NAGA: variants seen among roughly 807,000 people sequenced by gnomAD.
NAGA encodes Acetylgalactosaminidase, alpha-N- (alpha-galactosidase B).
NAGA carries 42 observed loss-of-function variants against 45.6 expected under a neutral mutation model. The ratio of observed to expected loss-of-function variants is 0.92; its 90% CI spans 0.72 to 1.19. The LOEUF is 1.19. Among genes scored for constraint, NAGA ranks in the 50% most tolerant of loss-of-function variants. NAGA has a pLI of 0.00. For missense variants in NAGA, 493 were observed against 544.8 expected, an observed-to-expected ratio of 0.90 and a Z score of 0.95; for synonymous variants, 176 against 203.1, an observed-to-expected ratio of 0.87 and a Z score of 1.13.
rs1430376455 is a variant in NAGA at position 42,068,574 on chromosome 22, A to G, written c.17T>C (p.Val6Ala). 6.2e-7 allele frequency: 1 copy of G among 1,614,046 alleles called. No individual in the cohort carries two copies. The highest frequency in any genetic ancestry group is 8.5e-7 in the Non-Finnish European group (1 of 1,179,998). MLLKT[V>A]LLLGHVAQVL... The stretch of plus-strand genomic sequence containing the variant: ...CTGGGCCACATGTCCCAGCAAGAGC[A>G]CTAGGGGGCAAGGGAGGAGGGGATG... Residue 6 changes from valine to alanine, a missense_variant and splice_region_variant, in exon 2 of 9, where the codon GTG (valine) becomes GCG (alanine). Coordinates refer to ENST00000396398, the MANE Select transcript of NAGA (RefSeq NM_000262.3).
chr22:42,060,457 G>A (rs73887905), intron 8 of NAGA, 44 bp from the exon 9 acceptor site: 36 of 1,610,134 alleles, frequency 2.2e-5, no homozygotes, highest in East Asian at 4.5e-5. Flanking sequence ...TGAGAGTGGC[G>A]GCACAGAGAC....
chr22:42,065,854 A>G lies in NAGA; in HGVS notation c.643T>C (p.Tyr215His), dbSNP rs1307708590. 1 of 1,614,050 alleles carries G rather than the reference A, an allele frequency of 6.2e-7. No homozygotes were observed. The highest frequency in any genetic ancestry group is 1.3e-5 in the African/African-American group (1 of 74,926). ...CACCAGGAGTCCTGGATGTCATCAT[A>G]GTTACGCCAGAGGTTGCAGATGTCC... The part of the protein sequence containing the change: ...LADICNLWRN[Y>H]DDIQDSWWSV... The change falls in exon 6 of 9, where the codon TAT (tyrosine) becomes CAT (histidine). Residue 215 changes from tyrosine (Y) to histidine (H), a missense_variant. By Grantham distance (83) the Tyr-to-His change is moderately conservative. Coordinates refer to ENST00000396398, the MANE Select transcript of NAGA (RefSeq NM_000262.3).
intron 1 of NAGA, among the ~76,000 whole-genome samples, chr22:42,069,759 G>C (rs763496315): frequency 2.6e-5 from 4 of 152,110 alleles, no homozygotes; most frequent in Non-Finnish European, 5.9e-5. Context: ...GGTTGTATAC[G>C]TACTGTGGTT....
At chr22:42,067,973 C>A in intron 2 of NAGA, 37 bp from the exon 3 acceptor site, 1 of 1,597,484 alleles carries the variant, frequency 6.3e-7, no homozygotes, top group Non-Finnish European at 8.6e-7. Context: ...GCTCAGGGAC[C>A]CAGCCCGGCC....
At chr22:42,068,708 G>T in intron 1 of NAGA, 134 bp from the exon 2 acceptor site, 1 of 1,273,906 alleles carries the variant, frequency 7.8e-7, no homozygotes, top group South Asian at 1.5e-5. Context: ...GGACTCCTGG[G>T]TTTAGGGTAG....
chr22:42,060,996 G>T lies in NAGA; in HGVS notation c.1029C>A (p.Cys343Ter). The T allele has an allele frequency of 6.2e-7, 1 of 1,614,246 alleles. No individual in the cohort carries two copies. Among genetic ancestry groups the T allele is most frequent in the Non-Finnish European group, 8.5e-7 (1 of 1,180,042 alleles). The part of the protein sequence containing the change: ...NKASALVFFS[C>*]RTDMPYRYHS... ...GGTAGCGATAAGGCATATCGGTCCT[G>T]CAGCTGAAGAAGACTAAGGCGCTAG... Residue 343 changes from cysteine (C) to a stop codon, truncating the protein, a stop_gained, in exon 8 of 9, where the codon TGC (cysteine) becomes TGA (stop). Transcript: ENST00000396398. LOFTEE classifies it high-confidence loss of function.
chr22:42,066,973 T>C, intron 4 of NAGA, 140 bp downstream of exon 4: 1 of 1,413,962 alleles, frequency 7.1e-7, no homozygotes, highest in Non-Finnish European at 1.0e-6. Context: ...CTGCCACTCA[T>C]ATTTAGGGAG....
At chr22:42,065,654 C>G in intron 6 of NAGA, 84 bp downstream of exon 6, 1 of 1,581,678 alleles carries the variant, frequency 6.3e-7, no homozygotes, top group Non-Finnish European at 8.6e-7. Flanking sequence ...CAGTGAGCCT[C>G]CAAGAAGGAA....
intron 7 of NAGA, among the ~76,000 whole-genome samples, chr22:42,062,376 G>A (rs1365001611): frequency 6.6e-6 from 1 of 152,070 alleles, no homozygotes; most frequent in Non-Finnish European, 1.5e-5. Flanking sequence ...TGAGGCACGA[G>A]AATTGCTTGA....
Position 42,062,941 on chromosome 22 carries a change from C to T in NAGA, c.843G>A (p.Leu281=), listed in dbSNP as rs941555581. 4.3e-6 allele frequency: 7 copies of T among 1,614,150 alleles called. No individual in the cohort carries two copies. In the East Asian group the frequency reaches 8.9e-5, roughly 21 times the overall value. The change falls in exon 7 of 9, where the codon TTG becomes TTA. Residue 281 remains leucine (L), a synonymous_variant. Coordinates refer to ENST00000396398, the MANE Select transcript of NAGA (RefSeq NM_000262.3). ...AGATGGTACGCAGGTCTGTGGACAT[C>T]AAGAGGGGGGCTGCCAGCACCGTCC... ...ALWTVLAAPL[L]MSTDLRTISA... is the part of the protein sequence containing the mutation.
rs765879483 is a variant in NAGA, at chr22:42,067,312, G to C, written c.325-22C>G. On this transcript the variant is annotated intron_variant, in intron 3 of 8. Transcript: ENST00000396398. ...GAACCTGTGGGGGTTTGAGGACACA[G>C]TGGGCTCAAGCAGGACCCTCAAGGA... The C allele has an allele frequency of 2.5e-6, 4 of 1,613,538 alleles. No homozygotes were observed. In the Admixed American group the frequency reaches 6.7e-5, roughly 27 times the overall value.
In NAGA at chr22:42,070,574, G is replaced by C. The variant is rs376270308; in HGVS notation, c.-277C>G. ...GACCTCACACCCTCTGCAGTGCTGG[G>C]AGTCCCGAGGGCCTACGGGCCGCCT... On this transcript the variant is annotated 5_prime_UTR_variant, in exon 1 of 9. Transcript: ENST00000396398. The C allele has an allele frequency of 1.7e-6, 1 of 575,662 alleles. No homozygotes were observed. Among genetic ancestry groups the C allele is most frequent in the Non-Finnish European group, 3.1e-6 (1 of 319,538 alleles). The allele number at this position is 575,662 out of a possible 1,614,324, so 35.7% of individuals were successfully genotyped here.
rs1569458694 is a variant in NAGA at position 42,067,929 on chromosome 22, G to A, written c.160C>T (p.Leu54Phe). 6.2e-7 allele frequency: 1 copy of A among 1,613,548 alleles called. No homozygotes were observed. Among genetic ancestry groups the A allele is most frequent in the South Asian group, 1.1e-5 (1 of 91,090 alleles). Residue 54 changes from leucine to phenylalanine, a missense_variant, in exon 3 of 9, where the codon CTC (leucine) becomes TTC (phenylalanine). Leu to Phe is a conservative substitution (Grantham distance 22). Coordinates refer to ENST00000396398, the MANE Select transcript of NAGA (RefSeq NM_000262.3). ...EDPKNCISEQ[L>F]FMEMADRMAQ... ...ATCCGGTCAGCCATCTCCATGAAGA[G>A]CTGTTCACTAGTGAGGGGCAGAGGG...
Position 42,060,387 on chromosome 22 carries a change from G to T in NAGA, c.1128C>A (p.Ile376=). ...TGGTTTCATCTCGGAGGCCACTGAT[G>T]ATGTCACCTGAGTAGACGTCCTGGG... ...YEAQDVYSGD[I]ISGLRDETNF... The change falls in exon 9 of 9, where the codon ATC becomes ATA. Residue 376 remains isoleucine (I), a synonymous_variant. Transcript: ENST00000396398. 6.2e-7 allele frequency: 1 copy of T among 1,613,518 alleles called. No individual in the cohort carries two copies. The highest frequency in any genetic ancestry group is 8.5e-7 in the Non-Finnish European group (1 of 1,180,020).
rs182798205 is a variant in NAGA, at chr22:42,067,765, G to A, written c.324C>T (p.Tyr108=). The A allele has an allele frequency of 7.1e-5, 114 of 1,611,758 alleles. No homozygotes were observed. The highest frequency in any genetic ancestry group is 4.6e-4 in the South Asian group (42 of 91,072). The change falls in exon 3 of 9, where the codon TAC becomes TAT. Residue 108 remains tyrosine, a splice_region_variant and synonymous_variant. Coordinates refer to ENST00000396398, the MANE Select transcript of NAGA (RefSeq NM_000262.3). The part of the protein sequence containing the change: ...FPHGIPFLAD[Y]VHSLGLKLGI... The stretch of plus-strand genomic sequence containing the variant: ...AGGGCAGGGCTGGGGTGCGGCTCAC[G>A]TAGTCAGCCAGGAAAGGAATGCCAT...
In NAGA at chr22:42,058,928, A is replaced by G. The variant is rs926566272; in HGVS notation, c.*1351T>C. 1 of 152,254 alleles carries G rather than the reference A, an allele frequency of 6.6e-6. No homozygotes were observed. The highest frequency in any genetic ancestry group is 2.4e-5 in the African/African-American group (1 of 41,464). 9.4% of individuals were successfully genotyped at this position (152,254 alleles called of 1,614,324 possible). On this transcript the variant is annotated 3_prime_UTR_variant, in exon 9 of 9. Transcript: ENST00000396398. ...CTCAAGACATCAACTGGGGAAAGGA[A>G]CTTTCTCTGGTGACCCTATACTTAA...
chr22:42,068,588 G>T lies in NAGA; in HGVS notation c.17-14C>A. The T allele has an allele frequency of 6.2e-7, 1 of 1,613,930 alleles. No individual in the cohort carries two copies. The highest frequency in any genetic ancestry group is 1.1e-5 in the South Asian group (1 of 91,072). On this transcript the variant is annotated splice_polypyrimidine_tract_variant and intron_variant, in intron 1 of 8. Coordinates refer to ENST00000396398, the MANE Select transcript of NAGA (RefSeq NM_000262.3). The stretch of plus-strand genomic sequence containing the variant: ...CCAGCAAGAGCACTAGGGGGCAAGG[G>T]AGGAGGGGATGGTGACTATCAGTTG...
chr22:42,065,635 A>G, intron 6 of NAGA, 103 bp downstream of exon 6: 1 of 1,501,178 alleles, frequency 6.7e-7, no homozygotes, highest in Admixed American at 1.7e-5. Context: ...GCGCTGACCT[A>G]GAACCCGGCA....
chr22:42,060,142 T>G lies in NAGA; in HGVS notation c.*137A>C. On this transcript the variant is annotated 3_prime_UTR_variant, in exon 9 of 9. Transcript: ENST00000396398. ...CAGGGCATAGAACCTGGCCGTGAGATTGCACTTTGGGTATGATGGGGTCAG... is the reference window on the plus strand; with the variant it reads ...CAGGGCATAGAACCTGGCCGTGAGAGTGCACTTTGGGTATGATGGGGTCAG... The G allele has an allele frequency of 8.5e-7, 1 of 1,173,836 alleles. No individual in the cohort carries two copies. Among genetic ancestry groups the G allele is most frequent in the Non-Finnish European group, 1.3e-6 (1 of 798,434 alleles). 72.7% of individuals were successfully genotyped at this position (1,173,836 alleles called of 1,614,324 possible).
Sources: gnomAD v4.1 joint callset for allele counts (sites outside exome capture counted in the v4.1 genomes callset) on GRCh38, gnomAD v4.1.1 for gene constraint, MANE v1.5 for transcripts, NCBI Gene and HGNC (gene_info 2026-07-23, HGNC 2026-07-21) for gene names.